GSG1L: variants seen among roughly 807,000 people sequenced by gnomAD.
GSG1L encodes GSG1 like.
A neutral mutation model predicts 42.1 loss-of-function variants in GSG1L; 24 were observed. That is an observed-to-expected ratio of 0.57 (90% CI 0.41 to 0.80). The LOEUF (loss-of-function observed/expected upper bound fraction) is 0.80. Among genes scored for constraint, GSG1L ranks in the 30% least tolerant of loss-of-function variants. The pLI is 0.00. For synonymous variants in GSG1L, 215 were observed against 203.5 expected (o/e 1.06, Z -0.48); for missense variants, 445 against 472.2 (o/e 0.94, Z 0.53).
intron 2 of GSG1L, among the ~76,000 whole-genome samples, chr16:27,909,838 G>C (rs1256135785): frequency 6.6e-6 from 1 of 151,434 alleles, no homozygotes; most frequent in African/African-American, 2.4e-5. Flanking sequence ...TGTCACTTCT[G>C]ATTCTCTAAA....
chr16:27,831,146 C>T (rs1247398847), intron 4 of GSG1L, among the ~76,000 whole-genome samples: 2 of 152,170 alleles, frequency 1.3e-5, no homozygotes, highest in African/African-American at 4.8e-5. Context: ...CAAAGCTCAT[C>T]TTTCTTCTGT....
At chr16:27,974,439 C>T (rs1158350026) in intron 1 of GSG1L, among the ~76,000 whole-genome samples, 1 of 152,122 alleles carries the variant, frequency 6.6e-6, no homozygotes, top group Non-Finnish European at 1.5e-5. Flanking sequence ...AAACTTCATA[C>T]GACCCAGGGG....
intron 1 of GSG1L, among the ~76,000 whole-genome samples, chr16:27,970,528 C>A (rs575968761): frequency 6.6e-6 from 1 of 151,522 alleles, no homozygotes; most frequent in Non-Finnish European, 1.5e-5. Flanking sequence ...GCCAAGACCA[C>A]GCCATTGCAC....
chr16:27,834,072 T>C (rs1465672543), intron 4 of GSG1L, among the ~76,000 whole-genome samples: 2 of 152,180 alleles, frequency 1.3e-5, no homozygotes, highest in Non-Finnish European at 1.5e-5. Flanking sequence ...GCTGTAGATG[T>C]TTTATAGATG....
intron 2 of GSG1L, among the ~76,000 whole-genome samples, chr16:27,929,193 C>T (rs928353958): frequency 4.6e-5 from 7 of 152,170 alleles, no homozygotes; most frequent in Non-Finnish European, 1.0e-4. Flanking sequence ...AAGGGACAGA[C>T]GGTGACATCA....
At chr16:28,035,345 T>A (rs2086021220) in intron 1 of GSG1L, among the ~76,000 whole-genome samples, 1 of 152,210 alleles carries the variant, frequency 6.6e-6, no homozygotes, top group South Asian at 2.1e-4. Context: ...GTACTTTAAA[T>A]GGCTTTTAGA....
intron 3 of GSG1L, among the ~76,000 whole-genome samples, chr16:27,869,137 C>T (rs2083770163): frequency 1.3e-5 from 2 of 151,894 alleles, no homozygotes; most frequent in South Asian, 4.1e-4. Context: ...TGATGGGGCT[C>T]CTCACTGAGG....
chr16:27,838,587 G>A (rs1596545805), intron 4 of GSG1L, among the ~76,000 whole-genome samples: 2 of 152,180 alleles, frequency 1.3e-5, no homozygotes, highest in African/African-American at 2.4e-5. Context: ...GGACACAGGG[G>A]GAGCAGATTT....
At chr16:28,032,370 C>T (rs956690076) in intron 1 of GSG1L, among the ~76,000 whole-genome samples, 7 of 152,252 alleles carry the variant, frequency 4.6e-5, no homozygotes, top group East Asian at 1.9e-4. Flanking sequence ...AATTACAAAA[C>T]GAATAACAAA....
intron 6 of GSG1L, among the ~76,000 whole-genome samples, chr16:27,792,993 T>C (rs888408597): frequency 1.3e-5 from 2 of 152,212 alleles, no homozygotes; most frequent in African/African-American, 4.8e-5. Flanking sequence ...AATTTCAGCA[T>C]TTAAAAAAAT....
chr16:27,897,240 T>A (rs1596595439), intron 2 of GSG1L, among the ~76,000 whole-genome samples: 2 of 152,210 alleles, frequency 1.3e-5, no homozygotes, highest in African/African-American at 4.8e-5. Flanking sequence ...TTCAAGGCAC[T>A]AAATTCTAAA....
At chr16:27,872,125 GCTGCCGTATTCC>G (rs2141012631) in intron 3 of GSG1L, among the ~76,000 whole-genome samples, 1 of 152,314 alleles carries the variant, frequency 6.6e-6, no homozygotes, top group African/African-American at 2.4e-5. Context: ...GTTCACCTCT[GCTGCCGTATTCC>G]CTGCTGTATT....
intron 2 of GSG1L, among the ~76,000 whole-genome samples, chr16:27,927,672 T>C (rs2084610555): frequency 6.6e-6 from 1 of 152,188 alleles, no homozygotes; most frequent in Non-Finnish European, 1.5e-5. Context: ...CCACCCATCC[T>C]CAGTGCTCCA....
At chr16:28,056,372 C>CA (rs1010274313) in intron 1 of GSG1L, among the ~76,000 whole-genome samples, 25 of 146,620 alleles carry the variant, frequency 1.7e-4, no homozygotes, top group African/African-American at 4.8e-4. Context: ...ATCGCAAGGA[C>CA]AAAAAACCAA....
At chr16:27,882,598 AC>A (rs2083973436) in intron 3 of GSG1L, among the ~76,000 whole-genome samples, 1 of 151,912 alleles carries the variant, frequency 6.6e-6, no homozygotes, top group Admixed American at 6.6e-5. Context: ...TACGCTGTCC[AC>A]TCCACCTGGA....
intron 2 of GSG1L, among the ~76,000 whole-genome samples, chr16:27,903,406 G>A (rs705917): frequency 0.84 from 128,392 of 152,132 alleles, 54,567 homozygotes; most frequent in South Asian, 0.9. Flanking sequence ...CAACTGTCTG[G>A]ATGGTGGAAA....
intron 2 of GSG1L, among the ~76,000 whole-genome samples, chr16:27,950,404 A>T (rs1474908383): frequency 6.6e-6 from 1 of 152,212 alleles, no homozygotes; most frequent in African/African-American, 2.4e-5. Flanking sequence ...TAAAGCAATT[A>T]TTAGATGTTG....
chr16:27,946,631 GAAAGAAAGAAAGAAAGAAAGAAAGA>G (rs1257797793), intron 2 of GSG1L, among the ~76,000 whole-genome samples: 7 of 19,168 alleles, frequency 3.7e-4, no homozygotes, highest in African/African-American at 4.0e-4. Context: ...GAGAGAGAGA[GAAAGAAAGAAAGAAAGAAAGAAAGA>G]AAAGAAAGAA....
intron 2 of GSG1L, among the ~76,000 whole-genome samples, chr16:27,938,130 G>A (rs1342205694): frequency 1.3e-5 from 2 of 152,168 alleles, no homozygotes; most frequent in Non-Finnish European, 2.9e-5. Context: ...ATGCAGAGAG[G>A]CGCCCCTTGG....
Sources: gnomAD v4.1 joint callset for allele counts (sites outside exome capture counted in the v4.1 genomes callset) on GRCh38, gnomAD v4.1.1 for gene constraint, MANE v1.5 for transcripts, NCBI Gene and HGNC (gene_info 2026-07-23, HGNC 2026-07-21) for gene names.